The following ZFYVE28 variants were observed in gnomAD, a reference collection of about 807,000 sequenced individuals.
ZFYVE28 encodes the protein lateral signaling target protein 2 homolog.
In ZFYVE28, 40 loss-of-function variants were observed where a neutral mutation model predicts 82.1. That is an observed-to-expected ratio of 0.49 (90% CI 0.38 to 0.63). ZFYVE28 has a LOEUF of 0.63. ZFYVE28 is among the 30% of genes least tolerant of loss of function. The pLI is 0.00. For synonymous variants in ZFYVE28, 612 were observed against 546.1 expected (o/e 1.12, Z -1.68); for missense variants, 1,321 against 1,242.1 (o/e 1.06, Z -0.96).
intron 8 of ZFYVE28, among the ~76,000 whole-genome samples, chr4:2,297,508 G>A (rs780035377): frequency 2.0e-5 from 3 of 152,328 alleles, no homozygotes; most frequent in East Asian, 3.9e-4. Flanking sequence ...GTCATGAAGC[G>A]CCACTGCAAT....
chr4:2,303,511 C>G (rs1222624212), intron 8 of ZFYVE28, among the ~76,000 whole-genome samples: 1 of 152,224 alleles, frequency 6.6e-6, no homozygotes, highest in East Asian at 1.9e-4. Context: ...GACACGGCCA[C>G]AGCCAGAGTG....
At chr4:2,383,147 A>C (rs1424690626) in intron 1 of ZFYVE28, among the ~76,000 whole-genome samples, 1 of 152,084 alleles carries the variant, frequency 6.6e-6, no homozygotes, top group African/African-American at 2.4e-5. Context: ...TGAGGACATG[A>C]GATTTGAAGG....
chr4:2,354,168 C>A, intron 1 of ZFYVE28, 95 bp from the exon 2 acceptor site: 2 of 1,316,372 alleles, frequency 1.5e-6, no homozygotes, highest in South Asian at 3.7e-5. Context: ...GTGGGCTCAG[C>A]CTGGGACCTT....
At chr4:2,370,505 A>G (rs2108903949) in intron 1 of ZFYVE28, among the ~76,000 whole-genome samples, 1 of 152,192 alleles carries the variant, frequency 6.6e-6, no homozygotes, top group East Asian at 1.9e-4. Context: ...ATCACCCCAC[A>G]TTCTGGGAGA....
rs1577850510 is a variant in ZFYVE28 at position 2,274,181 on chromosome 4, A to C, written c.2087T>G (p.Met696Arg). 6.2e-7 allele frequency: 1 copy of C among 1,613,758 alleles called. No homozygotes were observed. Among genetic ancestry groups the C allele is most frequent in the Non-Finnish European group, 8.5e-7 (1 of 1,179,978 alleles). The change falls in exon 9 of 13, where the codon ATG becomes AGG. Residue 696 changes from methionine (M) to arginine (R), a missense_variant. Physicochemically the swap from Met to Arg is moderately conservative, Grantham distance 91. Coordinates refer to ENST00000290974, the MANE Select transcript of ZFYVE28 (RefSeq NM_020972.3). ...STAGSCSSDK[M>R]GPEAAPAATH... ...GGCTGCTGGGGCCGCCTCTGGCCCC[A>C]TCTTGTCTGAGGAGCAGGACCCAGC...
In ZFYVE28 at chr4:2,304,524, C is replaced by A. The variant is rs756245620; in HGVS notation, c.1816G>T (p.Ala606Ser). 2.1e-5 allele frequency: 34 copies of A among 1,612,486 alleles called. No homozygotes were observed. The highest frequency in any genetic ancestry group is 2.7e-5 in the Non-Finnish European group (32 of 1,179,712). The change falls in exon 8 of 13, where the codon GCC becomes TCC. Residue 606 changes from alanine to serine, a missense_variant. By Grantham distance (99) the Ala-to-Ser change is moderately conservative. Around this residue, in one of 2 missense-constraint regions of ZFYVE28, gnomAD observed 978 missense variants for 833.7 expected, o/e 1.17. Transcript: ENST00000290974. ...AAGLAKASDRAPERQEEAPPP... is the reference protein window; with the variant it reads ...AAGLAKASDRSPERQEEAPPP... Reference sequence around the variant, plus strand: ...GGCGCCTCCTCCTGTCTCTCAGGGGCCCTGTCGCTGGCCTTGGCTAAGCCG... The same window carrying A: ...GGCGCCTCCTCCTGTCTCTCAGGGGACCTGTCGCTGGCCTTGGCTAAGCCG...
rs1716179236 is a variant in ZFYVE28 at position 2,304,443 on chromosome 4, T to C, written c.1897A>G (p.Lys633Glu). 4 of 1,613,562 alleles carry C rather than the reference T, an allele frequency of 2.5e-6. No individual in the cohort carries two copies. The highest frequency in any genetic ancestry group is 3.4e-6 in the Non-Finnish European group (4 of 1,179,984). Residue 633 changes from lysine to glutamate, a missense_variant, in exon 8 of 13, where the codon AAG (lysine) becomes GAG (glutamate). Around this residue, in one of 2 missense-constraint regions of ZFYVE28, gnomAD observed 978 missense variants for 833.7 expected, o/e 1.17. Transcript: ENST00000290974. The part of the protein sequence containing the change: ...GREPKAPTSD[K>E]CLPHTSGSQV... ...GAACCTGAGGTGTGAGGCAGGCACT[T>C]GTCGGAAGTGGGGGCTTTGGGCTCC...
At chr4:2,282,287 T>C (rs887161657) in intron 8 of ZFYVE28, among the ~76,000 whole-genome samples, 11 of 152,246 alleles carry the variant, frequency 7.2e-5, no homozygotes, top group Non-Finnish European at 1.5e-4. Flanking sequence ...TGAAATGTCA[T>C]TCTCTGGTAA....
rs632158 is a variant in ZFYVE28, at chr4:2,341,143, C to A, written c.318+335G>T. Reference sequence around the variant, plus strand: ...CCTGCTGCTGCCCATGCTGCAGGGCCGGAGGGGAACACTTGTTCCTGATGT... The same window carrying A: ...CCTGCTGCTGCCCATGCTGCAGGGCAGGAGGGGAACACTTGTTCCTGATGT... On this transcript the variant is annotated intron_variant, in intron 3 of 12. Coordinates refer to ENST00000290974, the MANE Select transcript of ZFYVE28 (RefSeq NM_020972.3). This position sits in a 1 kb window ranked among gnomAD's most constrained non-coding sequence, Gnocchi z 4.5. 1.3e-5 allele frequency among the ~76,000 whole-genome samples: 2 copies of A among 151,962 alleles called. No homozygotes were observed. The highest frequency in any genetic ancestry group is 6.5e-5 in the Admixed American group (1 of 15,278).
At position 2,277,582 on chromosome 4, in the gene ZFYVE28, C is replaced by T. The variant is rs1388544599; in HGVS notation, c.2052-3366G>A. Reference sequence around the variant, plus strand: ...TGAAATGAAGAAAACAATCCTTAGCCCTTTACAATAGCATAAAAAAGATTA... The same window carrying T: ...TGAAATGAAGAAAACAATCCTTAGCTCTTTACAATAGCATAAAAAAGATTA... On this transcript the variant is annotated intron_variant, in intron 8 of 12. Coordinates refer to ENST00000290974, the MANE Select transcript of ZFYVE28 (RefSeq NM_020972.3). Among the ~76,000 whole-genome samples, 6 of 152,018 alleles carry T rather than the reference C, an allele frequency of 3.9e-5. No homozygotes were observed. In the East Asian group the frequency reaches 1.2e-3, roughly 29 times the overall value.
intron 6 of ZFYVE28, among the ~76,000 whole-genome samples, chr4:2,321,702 G>C (rs1159440660): frequency 5.3e-5 from 8 of 152,184 alleles, no homozygotes; most frequent in Non-Finnish European, 1.2e-4. Context: ...GGGCAGCCCT[G>C]ACTCCAGTGG....
intron 1 of ZFYVE28, among the ~76,000 whole-genome samples, chr4:2,411,498 GAA>G (rs1181666555): frequency 6.6e-6 from 1 of 151,944 alleles, no homozygotes; most frequent in African/African-American, 2.4e-5. Flanking sequence ...CAATCCAACT[GAA>G]AAAAGACAAA....
At position 2,403,344 on chromosome 4, in the gene ZFYVE28, G is replaced by A. The variant is rs191272646; in HGVS notation, c.39+14941C>T. Among the ~76,000 whole-genome samples the A allele has an allele frequency of 2.1e-3, 324 of 152,368 alleles. 1 individual carries two copies. Among genetic ancestry groups the A allele is most frequent in the African/African-American group, 7.5e-3 (311 of 41,580 alleles). ...GTGGGGGCGTGGGAAGCAGTGCGTG[G>A]AACCTTCCATTGAGAGAAAGATGCA... On this transcript the variant is annotated intron_variant, in intron 1 of 12. Coordinates refer to ENST00000290974, the MANE Select transcript of ZFYVE28 (RefSeq NM_020972.3).
At chr4:2,352,546 G>A (rs1724638853) in intron 2 of ZFYVE28, among the ~76,000 whole-genome samples, 1 of 151,768 alleles carries the variant, frequency 6.6e-6, no homozygotes, top group South Asian at 2.1e-4. Flanking sequence ...GAGGGACCTG[G>A]ACAGTGTCCA....
intron 12 of ZFYVE28, 105 bp from the exon 13 acceptor site, chr4:2,270,961 G>A (rs1735854493): frequency 1.3e-6 from 2 of 1,493,500 alleles, no homozygotes; most frequent in Non-Finnish European, 1.8e-6. Flanking sequence ...CCGCATTGGT[G>A]GGTGGGGACT....
Position 2,356,804 on chromosome 4 carries a change from GAGTGCTGCACTTTC to G in ZFYVE28, c.40-2745_40-2732del, listed in dbSNP as rs545495581. Among the ~76,000 whole-genome samples, 1,453 of 152,326 alleles carry G rather than the reference GAGTGCTGCACTTTC, an allele frequency of 9.5e-3. 23 individuals are homozygous for G. Among genetic ancestry groups the G allele is most frequent in the African/African-American group, 0.033 (1,364 of 41,574 alleles). ...CCTTCCCCAAGGCCCGAGCCCCAGG[GAGTGCTGCACTTTC>G]GAAGCCTTGTAGCTGTCAACTTACA... On this transcript the variant is annotated intron_variant, in intron 1 of 12. Transcript: ENST00000290974.
chr4:2,330,316 C>T (rs546057423), intron 6 of ZFYVE28: 4 of 989,308 alleles, frequency 4.0e-6, no homozygotes, highest in Admixed American at 5.8e-5. Context: ...AGTCACGCAA[C>T]CTGCTGGTGG....
intron 6 of ZFYVE28, among the ~76,000 whole-genome samples, chr4:2,334,272 G>T (rs1184310599): frequency 2.0e-5 from 3 of 152,216 alleles, no homozygotes; most frequent in African/African-American, 7.2e-5. Context: ...AGCCCTCCCG[G>T]AGGAGGTGGC....
Position 2,389,205 on chromosome 4 carries a change from C to T in ZFYVE28, c.39+29080G>A, listed in dbSNP as rs1364683945. Among the ~76,000 whole-genome samples the T allele has an allele frequency of 2.6e-5, 4 of 152,324 alleles. No homozygotes were observed. In the East Asian group the frequency reaches 5.8e-4, roughly 22 times the overall value. ...AACCCCACTCACACCCATGGCCAGT[C>T]AGGCCATCCAGCCAGGTCCTGCCCA... On this transcript the variant is annotated intron_variant, in intron 1 of 12. Transcript: ENST00000290974.
Sources: allele counts gnomAD v4.1 joint callset (sites outside exome capture counted in the v4.1 genomes callset), GRCh38; gene constraint gnomAD v4.1.1; regional missense constraint gnomAD v4.1.1; non-coding constraint Gnocchi (gnomAD v3.1); transcripts MANE v1.5; gene names NCBI Gene and HGNC (gene_info 2026-07-23, HGNC 2026-07-21).